UTRN: variants seen among roughly 807,000 people sequenced by gnomAD.
UTRN encodes utrophin, also known as dystrophin-related protein 1.
A neutral mutation model predicts 463.9 loss-of-function variants in UTRN; 283 were observed. The observed-to-expected ratio is 0.61, with a 90% CI of 0.55 to 0.67. The LOEUF is 0.67. UTRN is among the 30% of genes least tolerant of loss of function. The pLI, the probability that UTRN is intolerant of heterozygous loss-of-function variation, is 0.00. For synonymous variants in UTRN, 1,442 were observed against 1,431.5 expected (o/e 1.01, Z -0.17); for missense variants, 3,922 against 4,084.3 (o/e 0.96, Z 1.08).
intron 51 of UTRN, among the ~76,000 whole-genome samples, chr6:144,668,911 C>T (rs1780706029): frequency 6.6e-6 from 1 of 152,204 alleles, no homozygotes; most frequent in South Asian, 2.1e-4. Flanking sequence ...CTCTCCTTTA[C>T]TAATTCAGAT....
chr6:144,532,452 G>T (rs4076068), intron 42 of UTRN, among the ~76,000 whole-genome samples: 5 of 151,978 alleles, frequency 3.3e-5, no homozygotes, highest in African/African-American at 1.2e-4. Flanking sequence ...TGAGCAAAGT[G>T]GGGGAAAAGT....
rs1301447265 is a variant in UTRN at position 144,632,643 on chromosome 6, A to G, written c.7480-45763A>G. 3.3e-5 allele frequency among the ~76,000 whole-genome samples: 5 copies of G among 152,200 alleles called. No homozygotes were observed. The East Asian group carries it at 7.7e-4, about 23-fold the overall frequency. On this transcript the variant is annotated intron_variant, in intron 51 of 74. Transcript: ENST00000367545. ...ATTTAATTTTTACATCTTAACAGCA[A>G]GAGCATACCCGTGATTTGTTTTCAC...
intron 52 of UTRN, among the ~76,000 whole-genome samples, chr6:144,695,606 G>A (rs1345418656): frequency 2.6e-5 from 4 of 152,178 alleles, no homozygotes; most frequent in African/African-American, 4.8e-5. Flanking sequence ...GCCTCCCAAA[G>A]TGCTGGGATT....
chr6:144,730,259 T>G (rs988392415), intron 53 of UTRN, 98 bp from the exon 54 acceptor site: 13 of 1,285,790 alleles, frequency 1.0e-5, no homozygotes, highest in Non-Finnish European at 1.0e-5. Context: ...TTAGTCATTT[T>G]CTTGCTAAGT....
intron 2 of UTRN, among the ~76,000 whole-genome samples, chr6:144,300,405 A>G (rs879692322): frequency 2.6e-5 from 4 of 152,280 alleles, no homozygotes; most frequent in Admixed American, 2.6e-4. Context: ...TGATATCCTT[A>G]TATTCAGTTA....
chr6:144,448,573 T>G, intron 16 of UTRN, 27 bp from the exon 17 acceptor site: 1 of 1,607,000 alleles, frequency 6.2e-7, no homozygotes, highest in Non-Finnish European at 8.5e-7. Context: ...TTATAAACAT[T>G]GAAATTTTGG....
chr6:144,583,385 C>G, intron 51 of UTRN: 1 of 542,584 alleles, frequency 1.8e-6, no homozygotes, highest in East Asian at 3.0e-5. Context: ...TTCCTGGAAA[C>G]GAGCATGCTC....
At chr6:144,330,982 G>A in intron 2 of UTRN, 1 of 985,394 alleles carries the variant, frequency 1.0e-6, no homozygotes, top group Non-Finnish European at 1.2e-6. Flanking sequence ...AGTGAGATCT[G>A]AATCCACAAA....
At chr6:144,577,310 C>T (rs1173475514) in intron 51 of UTRN, 22 bp downstream of exon 51, 11 of 1,610,654 alleles carry the variant, frequency 6.8e-6, no homozygotes, top group Admixed American at 6.7e-5. Context: ...GGAAACCACA[C>T]CAGTACCTGT....
chr6:144,730,773 A>C (rs1382521153), intron 54 of UTRN, among the ~76,000 whole-genome samples: 1 of 151,762 alleles, frequency 6.6e-6, no homozygotes, highest in Non-Finnish European at 1.5e-5. Flanking sequence ...TCTATAAGAA[A>C]TAAAAATTTA....
intron 2 of UTRN, among the ~76,000 whole-genome samples, chr6:144,318,851 G>T (rs1287013314): frequency 6.6e-6 from 1 of 152,168 alleles, no homozygotes. Context: ...CAGGCAGATT[G>T]TTGGAGCTCA....
intron 45 of UTRN, among the ~76,000 whole-genome samples, chr6:144,540,639 A>T (rs75230036): frequency 0.016 from 2,458 of 152,296 alleles, 59 homozygotes; most frequent in African/African-American, 0.054. Flanking sequence ...TCTGTGCCTT[A>T]ATATACATCT....
At chr6:144,807,447 T>C (rs531171942) in intron 65 of UTRN, among the ~76,000 whole-genome samples, 1 of 152,262 alleles carries the variant, frequency 6.6e-6, no homozygotes, top group South Asian at 2.1e-4. Flanking sequence ...TTTATTTCTC[T>C]AGGAAATGAT....
chr6:144,636,126 T>C (rs1163926234), intron 51 of UTRN, among the ~76,000 whole-genome samples: 2 of 152,174 alleles, frequency 1.3e-5, no homozygotes, highest in Non-Finnish European at 2.9e-5. Flanking sequence ...TCCATCGAAG[T>C]GTAAGCCGTC....
At position 144,442,222 on chromosome 6, in the gene UTRN, A is replaced by T. The variant is rs1336327659; in HGVS notation, c.1512+1751A>T. The stretch of plus-strand genomic sequence containing the variant: ...CAGGCTGCAAATTTCTCAAACTTTT[A>T]TGATCTGTTTCCTTTATAAAACTGA... On this transcript the variant is annotated intron_variant, in intron 13 of 74. Coordinates refer to ENST00000367545, the MANE Select transcript of UTRN (RefSeq NM_007124.3). Among the ~76,000 whole-genome samples the T allele has an allele frequency of 3.9e-5, 6 of 152,164 alleles. No individual in the cohort carries two copies. The East Asian group carries it at 1.2e-3, about 29-fold the overall frequency.
At chr6:144,699,953 GAGTC>G in intron 52 of UTRN, 130 bp from the exon 53 acceptor site, 1 of 554,214 alleles carries the variant, frequency 1.8e-6, no homozygotes, top group East Asian at 3.9e-5. Flanking sequence ...TATTTACAAG[GAGTC>G]AGTCTCTTTT....
intron 53 of UTRN, among the ~76,000 whole-genome samples, chr6:144,729,731 A>G (rs900977500): frequency 5.9e-5 from 9 of 152,226 alleles, no homozygotes. Flanking sequence ...CTATTCTGAG[A>G]ATCATAGATT....
At chr6:144,618,013 C>T (rs1006856473) in intron 51 of UTRN, among the ~76,000 whole-genome samples, 3 of 152,132 alleles carry the variant, frequency 2.0e-5, no homozygotes, top group African/African-American at 7.2e-5. Flanking sequence ...TATTGTTTCT[C>T]TAAAAGCTTG....
At chr6:144,701,875 G>A (rs946603393) in intron 53 of UTRN, among the ~76,000 whole-genome samples, 2 of 152,090 alleles carry the variant, frequency 1.3e-5, no homozygotes, top group South Asian at 4.2e-4. Context: ...TCTACTCGAA[G>A]CAGGAATATG....
Sources: allele counts gnomAD v4.1 joint callset (sites outside exome capture counted in the v4.1 genomes callset), GRCh38; gene constraint gnomAD v4.1.1; transcripts MANE v1.5; gene names NCBI Gene and HGNC (gene_info 2026-07-23, HGNC 2026-07-21).